Variants in MR1 observed in about 807,000 individuals in gnomAD.
MR1 encodes the protein major histocompatibility complex class I-related protein 1.
A neutral mutation model predicts 37.8 loss-of-function variants in MR1; 44 were observed. The observed-to-expected ratio is 1.16, with a 90% CI of 0.91 to 1.50. The LOEUF is 1.50. Ranked by LOEUF, MR1 falls within the 40% of genes most tolerant of loss-of-function variation. The pLI, the probability that MR1 is intolerant of heterozygous loss-of-function variation, is 0.00. For missense variants in MR1, 386 were observed against 419.1 expected (o/e 0.92, Z 0.69); for synonymous variants, 153 against 155.8 (o/e 0.98, Z 0.13).
intron 3 of MR1, chr1:181,050,617 A>G (rs1302477407): frequency 9.0e-6 from 3 of 333,888 alleles, no homozygotes. Flanking sequence ...CAAACTGTTT[A>G]GTTAACAAAG....
chr1:181,057,720 A>C lies in MR1; in HGVS notation c.*2455A>C, dbSNP rs2102411448. ...TCATAATATAAAGAGATGATTAAAA[A>C]AAAAATACTGCCGGGCACGGTGGCT... is the stretch of plus-strand genomic sequence containing the variant. On this transcript the variant is annotated 3_prime_UTR_variant, in exon 6 of 6. Coordinates refer to ENST00000367580, the MANE Select transcript of MR1 (RefSeq NM_001385161.1). 1.3e-5 allele frequency: 2 copies of C among 152,336 alleles called. No individual in the cohort carries two copies. Among genetic ancestry groups the C allele is most frequent in the South Asian group, 4.1e-4 (2 of 4,824 alleles). 9.4% of individuals were successfully genotyped at this position (152,336 alleles called of 1,614,324 possible). A position where few individuals can be genotyped will look rare whatever the true frequency, so the allele number is the denominator to read the frequency against.
chr1:181,049,669 GA>G, intron 2 of MR1: 1 of 473,150 alleles, frequency 2.1e-6, no homozygotes, highest in Non-Finnish European at 3.8e-6. Flanking sequence ...TATGAGTATC[GA>G]CAGTAACTTT....
chr1:181,051,964 A>G (rs1039131306), intron 3 of MR1, among the ~76,000 whole-genome samples: 1 of 152,232 alleles, frequency 6.6e-6, no homozygotes, highest in Admixed American at 6.5e-5. Flanking sequence ...AAACAACCCC[A>G]GCACACTTTC....
intron 3 of MR1, 75 bp from the exon 4 acceptor site, chr1:181,052,160 G>A: frequency 6.6e-7 from 1 of 1,505,860 alleles, no homozygotes; most frequent in African/African-American, 1.4e-5. Context: ...AATTAGGAAA[G>A]CCAGTTGCCA....
At chr1:181,047,575 G>A (rs569591813) in intron 1 of MR1, among the ~76,000 whole-genome samples, 3 of 151,706 alleles carry the variant, frequency 2.0e-5, no homozygotes, top group African/African-American at 7.3e-5. Context: ...CTCCAGCCTG[G>A]GCAACAGAGT....
chr1:181,050,113 T>C lies in MR1; in HGVS notation c.431T>C (p.Phe144Ser). The C allele has an allele frequency of 6.2e-7, 1 of 1,614,212 alleles. No individual in the cohort carries two copies. Among genetic ancestry groups the C allele is most frequent in the African/African-American group, 1.3e-5 (1 of 75,062 alleles). ...TATGACGGGCAGGATTTCCTGATCT[T>C]CAATAAAGACACCCTCTCCTGGCTG... ...YAYDGQDFLI[F>S]NKDTLSWLAV... is the part of the protein sequence containing the mutation. Residue 144 changes from phenylalanine to serine, a missense_variant, in exon 3 of 6, where the codon TTC becomes TCC. Transcript: ENST00000367580.
intron 3 of MR1, 70 bp downstream of exon 3, chr1:181,050,356 C>A: frequency 6.3e-7 from 1 of 1,582,506 alleles, no homozygotes; most frequent in Non-Finnish European, 8.7e-7. Context: ...CTCTTTTAAT[C>A]TAGGTTATAT....
chr1:181,033,415 G>A, upstream of MR1: 1 of 139,214 alleles, frequency 7.2e-6, no homozygotes, highest in Non-Finnish European at 1.5e-5. Context: ...AAGCTGAGTG[G>A]CTGCCCCTCA....
chr1:181,045,840 G>A (rs1021875851), intron 1 of MR1, among the ~76,000 whole-genome samples: 1 of 152,374 alleles, frequency 6.6e-6, no homozygotes, highest in East Asian at 1.9e-4. Context: ...GGAGGGAGAG[G>A]CGCGAGCGGG....
chr1:181,049,660 A>G, intron 2 of MR1: 1 of 486,232 alleles, frequency 2.1e-6, no homozygotes, highest in South Asian at 2.7e-5. Context: ...TGACTTGCTT[A>G]TGAGTATCGA....
intron 1 of MR1, among the ~76,000 whole-genome samples, chr1:181,046,055 G>C (rs1657842518): frequency 6.6e-6 from 1 of 152,236 alleles, no homozygotes; most frequent in Non-Finnish European, 1.5e-5. Flanking sequence ...CCGGGCCTTA[G>C]CTGCCTTCCT....
chr1:181,055,806 A>C lies in MR1; in HGVS notation c.*541A>C, dbSNP rs1658583009. ...AGGTAGGATTGGATCACTCCATGAG[A>C]GTAGCCGGCAGGTTTCTACAATGGC... On this transcript the variant is annotated 3_prime_UTR_variant, in exon 6 of 6. Coordinates refer to ENST00000367580, the MANE Select transcript of MR1 (RefSeq NM_001385161.1). The C allele has an allele frequency of 6.5e-6, 1 of 153,646 alleles. No individual in the cohort carries two copies. Among genetic ancestry groups the C allele is most frequent in the Non-Finnish European group, 1.4e-5 (1 of 69,050 alleles). The allele number at this position is 153,646 out of a possible 1,614,324, so 9.5% of individuals were successfully genotyped here.
At position 181,050,260 on chromosome 1, in the gene MR1, A is replaced by G. The variant is rs746435065; in HGVS notation, c.578A>G (p.Tyr193Cys). The change falls in exon 3 of 6, where the codon TAT (tyrosine) becomes TGT (cysteine). Residue 193 changes from tyrosine to cysteine, a missense_variant. By Grantham distance (194) the Tyr-to-Cys change is radical. Coordinates refer to ENST00000367580, the MANE Select transcript of MR1 (RefSeq NM_001385161.1). ...CIAWLKRFLE[Y>C]GKDTLQRTEP... Reference sequence around the variant, plus strand: ...GCCTGGCTAAAGAGATTCCTGGAGTATGGGAAAGACACCCTACAAAGAACA... The same window carrying G: ...GCCTGGCTAAAGAGATTCCTGGAGTGTGGGAAAGACACCCTACAAAGAACA... 1 of 1,614,264 alleles carries G rather than the reference A, an allele frequency of 6.2e-7. No homozygotes were observed. The highest frequency in any genetic ancestry group is 8.5e-7 in the Non-Finnish European group (1 of 1,180,048).
At chr1:181,033,640 C>A (rs180699514), upstream of MR1, among the ~76,000 whole-genome samples, 37 of 152,222 alleles carry the variant, frequency 2.4e-4, no homozygotes, top group African/African-American at 8.2e-4. Context: ...TCTTACTGAC[C>A]CTTAAGCAAA....
Position 181,052,650 on chromosome 1 carries a change from T to C in MR1, c.880+140T>C. ...TAGAATGGGTCTTTTAAATAAGTGG[T>C]TCTCACACTTTTTGGAACCAGGACG... On this transcript the variant is annotated intron_variant, in intron 4 of 5. Transcript: ENST00000367580. 4.2e-6 allele frequency: 4 copies of C among 943,252 alleles called. No individual in the cohort carries two copies. The South Asian group carries it at 7.5e-5, about 18-fold the overall frequency. 58.4% of individuals were successfully genotyped at this position (943,252 alleles called of 1,614,324 possible). A position where few individuals can be genotyped will look rare whatever the true frequency, so the allele number is the denominator to read the frequency against.
chr1:181,040,515 C>T (rs1657500247), intron 1 of MR1, among the ~76,000 whole-genome samples: 1 of 152,150 alleles, frequency 6.6e-6, no homozygotes, highest in Non-Finnish European at 1.5e-5. Flanking sequence ...GCAGAGGTAA[C>T]ATTTTAAAGG....
chr1:181,059,058 G>A lies in MR1; in HGVS notation c.*3793G>A, dbSNP rs1302948686. On this transcript the variant is annotated 3_prime_UTR_variant, in exon 6 of 6. Coordinates refer to ENST00000367580, the MANE Select transcript of MR1 (RefSeq NM_001385161.1). ...AGTTCACAGAATGTTCTCCAAGGAG[G>A]ACAGGGGGCTTTGCCCATAGCCATG... 1.3e-5 allele frequency: 2 copies of A among 152,236 alleles called. No homozygotes were observed. Among genetic ancestry groups the A allele is most frequent in the Admixed American group, 1.3e-4 (2 of 15,288 alleles). The allele number at this position is 152,236 out of a possible 1,614,324, so 9.4% of individuals were successfully genotyped here. A position where few individuals can be genotyped will look rare whatever the true frequency, so the allele number is the denominator to read the frequency against.
rs141701384 is a variant in MR1, at chr1:181,044,214, C to G, written c.68-4838C>G. 5.9e-3 allele frequency among the ~76,000 whole-genome samples: 896 copies of G among 152,198 alleles called. 11 individuals carry two copies. The highest frequency in any genetic ancestry group is 0.021 in the African/African-American group (856 of 41,528). ...TCCTGACCTCATGATCCGCCCGCGT[C>G]GGCCTCCCAAAGTGCTGGGATTACA... On this transcript the variant is annotated intron_variant, in intron 1 of 5. Transcript: ENST00000367580.
At position 181,061,620 on chromosome 1, in the gene MR1, G is replaced by C. The variant is rs1455891899; in HGVS notation, c.*6355G>C. The C allele has an allele frequency of 6.6e-6, 1 of 152,212 alleles. No individual in the cohort carries two copies. The highest frequency in any genetic ancestry group is 2.4e-5 in the African/African-American group (1 of 41,456). 9.4% of individuals were successfully genotyped at this position (152,212 alleles called of 1,614,324 possible). On this transcript the variant is annotated 3_prime_UTR_variant, in exon 6 of 6. Coordinates refer to ENST00000367580, the MANE Select transcript of MR1 (RefSeq NM_001385161.1). ...GAAGATGTTACATAATCCTATCATG[G>C]TGTTTATTTATGGAAATCTATTTTA...
Sources: gnomAD v4.1 joint callset for allele counts (sites outside exome capture counted in the v4.1 genomes callset) on GRCh38, gnomAD v4.1.1 for gene constraint, MANE v1.5 for transcripts, NCBI Gene and HGNC (gene_info 2026-07-23, HGNC 2026-07-21) for gene names.